Variants in ZMIZ1 observed in about 807,000 individuals in gnomAD.
ZMIZ1 encodes zinc finger MIZ-type containing 1, also known as zinc finger MIZ domain-containing protein 1.
In ZMIZ1, 17 loss-of-function variants were observed where a neutral mutation model predicts 113.9. The ratio of observed to expected loss-of-function variants is 0.15; its 90% CI spans 0.10 to 0.22. The LOEUF (loss-of-function observed/expected upper bound fraction) is 0.22, where lower values mean the gene tolerates loss of function less well. Ranked by LOEUF, ZMIZ1 falls within the 10% of genes least tolerant of loss-of-function variation. The pLI is 1.00. For missense variants in ZMIZ1, 1,059 were observed against 1,477.8 expected, an observed-to-expected ratio of 0.72 and a Z score of 4.65; for synonymous variants, 607 against 603.1, an observed-to-expected ratio of 1.01 and a Z score of -0.09.
chr10:79,298,553 A>G lies in ZMIZ1; in HGVS notation c.1639A>G (p.Asn547Asp), dbSNP rs777759595. ...ACCCTTCCCGCCTGACATCAAGCCA[A>G]ATATGAGCGCTCTGCCACCACCCCC... The part of the protein sequence containing the change: ...KPPFPPDIKP[N>D]MSALPPPPAN... Residue 547 changes from asparagine (N) to aspartate (D), a missense_variant, in exon 15 of 25, where the codon AAT (asparagine) becomes GAT (aspartate). Asn to Asp is a conservative substitution (Grantham distance 23, BLOSUM62 1). This residue lies in a region of ZMIZ1 where 239 missense variants were observed against 247.5 expected (regional missense o/e 0.97). Transcript: ENST00000334512. The G allele has an allele frequency of 1.2e-6, 2 of 1,601,918 alleles. No homozygotes were observed. Among genetic ancestry groups the G allele is most frequent in the East Asian group, 2.3e-5 (1 of 43,088 alleles).
chr10:79,176,522 C>T (rs950697019), intron 4 of ZMIZ1, among the ~76,000 whole-genome samples: 14 of 152,102 alleles, frequency 9.2e-5, no homozygotes, highest in African/African-American at 3.4e-4. Flanking sequence ...CCTCCATCCT[C>T]CTGGTGCCAA....
intron 3 of ZMIZ1, among the ~76,000 whole-genome samples, chr10:79,141,536 T>G (rs957886731): frequency 3.3e-5 from 5 of 152,042 alleles, no homozygotes; most frequent in Non-Finnish European, 5.9e-5. Flanking sequence ...GCCCCCTGAG[T>G]AGCTGGGACT....
chr10:79,166,484 C>T (rs1166517574), intron 4 of ZMIZ1, among the ~76,000 whole-genome samples: 3 of 152,236 alleles, frequency 2.0e-5, no homozygotes, highest in African/African-American at 4.8e-5. Flanking sequence ...CCTGCCGTGC[C>T]GGCCACCTCC....
intron 3 of ZMIZ1, among the ~76,000 whole-genome samples, chr10:79,153,426 C>T (rs1186526928): frequency 4.6e-5 from 7 of 152,246 alleles, no homozygotes; most frequent in Non-Finnish European, 7.3e-5. Context: ...ATTTGAACCT[C>T]ACTTCTGTAT....
Position 79,307,436 on chromosome 10 carries a change from C to G in ZMIZ1, c.2700C>G (p.Asp900Glu). The change falls in exon 23 of 25, where the codon GAC becomes GAG. Residue 900 changes from aspartate (D) to glutamate (E), a missense_variant. By Grantham distance (45) the Asp-to-Glu change is conservative. This residue lies in a region of ZMIZ1 where 225 missense variants were observed against 276.0 expected (regional missense o/e 0.82). Coordinates refer to ENST00000334512, the MANE Select transcript of ZMIZ1 (RefSeq NM_020338.4). ...GNNYQGHGNF[D>E]FPHGNPGGTS... The stretch of plus-strand genomic sequence containing the variant: ...ACTACCAAGGCCATGGCAACTTTGA[C>G]TTCCCCCACGGGAACCCTGGAGGGA... 1 of 1,613,082 alleles carries G rather than the reference C, an allele frequency of 6.2e-7. No individual in the cohort carries two copies.
intron 3 of ZMIZ1, among the ~76,000 whole-genome samples, chr10:79,157,505 T>C (rs1435873142): frequency 6.6e-6 from 1 of 152,084 alleles, no homozygotes; most frequent in Non-Finnish European, 1.5e-5. Context: ...TCTCCCCTTG[T>C]TGTCCATGGG....
intron 7 of ZMIZ1, among the ~76,000 whole-genome samples, chr10:79,223,456 G>T (rs139518579): frequency 4.6e-5 from 7 of 152,344 alleles, no homozygotes; most frequent in African/African-American, 1.7e-4. Context: ...GAGGGGTTTG[G>T]CTTCCTTCCT....
chr10:79,293,850 G>C (rs527654982), intron 12 of ZMIZ1, 197 bp downstream of exon 12: 1 of 804,742 alleles, frequency 1.2e-6, no homozygotes, highest in Admixed American at 2.2e-5. Context: ...CCTCGAGCCA[G>C]TCACCCTGCC....
intron 7 of ZMIZ1, among the ~76,000 whole-genome samples, chr10:79,225,980 G>A (rs1849185484): frequency 1.3e-5 from 2 of 152,226 alleles, no homozygotes; most frequent in Non-Finnish European, 2.9e-5. Context: ...TTAAGGGCGA[G>A]GGATGACAAG....
chr10:79,114,494 CGTGTGTGTGTGCGTGTGTGT>C lies in ZMIZ1; in HGVS notation c.-336-4409_-336-4390del, dbSNP rs1487552593. Among the ~76,000 whole-genome samples the C allele has an allele frequency of 7.8e-3, 892 of 114,406 alleles. 16 individuals carry two copies. Among genetic ancestry groups the C allele is most frequent in the African/African-American group, 0.029 (852 of 29,412 alleles). 75.1% of individuals were successfully genotyped at this position (114,406 alleles called of 152,430 possible). On this transcript the variant is annotated intron_variant, in intron 1 of 24. Coordinates refer to ENST00000334512, the MANE Select transcript of ZMIZ1 (RefSeq NM_020338.4). ...GTGTGTGTCTGTGTGTGTGTGTGTG[CGTGTGTGTGTGCGTGTGTGT>C]GTGTGTGTGTGTGTGTGTGTGTGTG...
chr10:79,208,462 C>A lies in ZMIZ1; in HGVS notation c.174+13C>A. The A allele has an allele frequency of 6.9e-6, 11 of 1,605,614 alleles. No individual in the cohort carries two copies. Among genetic ancestry groups the A allele is most frequent in the Non-Finnish European group, 9.4e-6 (11 of 1,175,110 alleles). On this transcript the variant is annotated intron_variant, in intron 6 of 24. Transcript: ENST00000334512. ...GGGCTGTTTGACGGTGAGTCTGCAC[C>A]CTGTCCGCCTGCATTCCTGCCCAGG...
intron 3 of ZMIZ1, among the ~76,000 whole-genome samples, chr10:79,142,573 G>T (rs1845314708): frequency 6.6e-6 from 1 of 152,176 alleles, no homozygotes; most frequent in Non-Finnish European, 1.5e-5. Context: ...AGGCTCAGAG[G>T]CCTCAATAAA....
Position 79,297,634 on chromosome 10 carries a change from A to C in ZMIZ1, c.1435A>C (p.Asn479His), listed in dbSNP as rs1262800590. The C allele has an allele frequency of 1.2e-6, 2 of 1,614,148 alleles. No homozygotes were observed. The highest frequency in any genetic ancestry group is 2.7e-5 in the African/African-American group (2 of 75,038). The change falls in exon 14 of 25, where the codon AAT (asparagine) becomes CAT (histidine). Residue 479 changes from asparagine to histidine, a missense_variant. This residue lies in a region of ZMIZ1 where 239 missense variants were observed against 247.5 expected (regional missense o/e 0.97). Transcript: ENST00000334512. ...ATAGCCAGAACAGTTTAATGGACAAAATAACACGTTCTCGGGAAGCAGCTA... is the reference window on the plus strand; with the variant it reads ...ATAGCCAGAACAGTTTAATGGACAACATAACACGTTCTCGGGAAGCAGCTA... Reference protein sequence around the residue: ...YYKPEQFNGQNNTFSGSSYSN... With the variant: ...YYKPEQFNGQHNTFSGSSYSN...
chr10:79,287,716 A>T (rs1023608972), intron 8 of ZMIZ1, among the ~76,000 whole-genome samples: 2 of 152,196 alleles, frequency 1.3e-5, no homozygotes, highest in African/African-American at 4.8e-5. Flanking sequence ...TGCTGGTTGG[A>T]TGTCATCACC....
At chr10:79,135,596 G>A (rs1189845645) in intron 2 of ZMIZ1, among the ~76,000 whole-genome samples, 5 of 152,176 alleles carry the variant, frequency 3.3e-5, no homozygotes, top group African/African-American at 1.2e-4. Flanking sequence ...AAAATGCCCA[G>A]TTCTCGAGTT....
intron 7 of ZMIZ1, among the ~76,000 whole-genome samples, chr10:79,216,849 ATCACC>A (rs1329772327): frequency 6.6e-6 from 1 of 152,272 alleles, no homozygotes; most frequent in African/African-American, 2.4e-5. Context: ...CAACTTTGTC[ATCACC>A]TGCGGTCTCC....
intron 4 of ZMIZ1, among the ~76,000 whole-genome samples, chr10:79,172,243 G>A (rs1027044593): frequency 1.3e-5 from 2 of 152,056 alleles, no homozygotes; most frequent in Non-Finnish European, 1.5e-5. Flanking sequence ...GGAACATGGC[G>A]GGTGAGGACG....
intron 4 of ZMIZ1, among the ~76,000 whole-genome samples, chr10:79,181,448 A>G (rs1258368926): frequency 6.6e-6 from 1 of 152,194 alleles, no homozygotes; most frequent in Non-Finnish European, 1.5e-5. Context: ...AGGCAGGAGC[A>G]ACCCCAGCAC....
At chr10:79,107,783 A>G (rs1377290519) in intron 1 of ZMIZ1, among the ~76,000 whole-genome samples, 1 of 152,154 alleles carries the variant, frequency 6.6e-6, no homozygotes, top group Non-Finnish European at 1.5e-5. Flanking sequence ...ACTCATGCCT[A>G]CCGCCTCACT....
Sources: gnomAD v4.1 joint callset for allele counts (sites outside exome capture counted in the v4.1 genomes callset) on GRCh38, gnomAD v4.1.1 for gene constraint, gnomAD v4.1.1 regional missense constraint, MANE v1.5 for transcripts, NCBI Gene and HGNC (gene_info 2026-07-23, HGNC 2026-07-21) for gene names.